CUBN: variants seen among roughly 807,000 people sequenced by gnomAD.
The protein encoded by CUBN is cubilin, also known as 460 kDa receptor.
A neutral mutation model predicts 405.3 loss-of-function variants in CUBN; 282 were observed. The observed-to-expected ratio is 0.70, with a 90% CI of 0.63 to 0.77. The LOEUF (loss-of-function observed/expected upper bound fraction) is 0.77. Among genes scored for constraint, CUBN ranks in the 30% least tolerant of loss-of-function variants. The pLI is 0.00. For missense variants in CUBN, 4,514 were observed against 4,475.2 expected (o/e 1.01, Z -0.25); for synonymous variants, 1,684 against 1,617.0 (o/e 1.04, Z -0.99).
At chr10:17,118,739 A>T (rs559042013) in intron 6 of CUBN, among the ~76,000 whole-genome samples, 1 of 152,248 alleles carries the variant, frequency 6.6e-6, no homozygotes, top group Non-Finnish European at 1.5e-5. Context: ...GCCCAGCCTC[A>T]TGTACCTTTT....
chr10:16,957,381 A>G (rs1383720928), intron 31 of CUBN, among the ~76,000 whole-genome samples: 2 of 152,162 alleles, frequency 1.3e-5, no homozygotes, highest in Non-Finnish European at 2.9e-5. Context: ...GTTCATTTCT[A>G]TTGCTAAGTA....
chr10:17,043,004 AG>A (rs1835050433), intron 26 of CUBN, among the ~76,000 whole-genome samples: 1 of 152,186 alleles, frequency 6.6e-6, no homozygotes, highest in African/African-American at 2.4e-5. Context: ...ATAAAGTAAA[AG>A]TCTCTATCAA....
intron 17 of CUBN, among the ~76,000 whole-genome samples, chr10:17,078,893 T>C (rs552950045): frequency 1.3e-5 from 2 of 152,334 alleles, no homozygotes; most frequent in East Asian, 3.9e-4. Context: ...CATATCCTCT[T>C]ATTCCTGCTT....
intron 12 of CUBN, 130 bp from the exon 13 acceptor site, chr10:17,103,367 T>C (rs1588643953): frequency 1.5e-6 from 1 of 687,116 alleles, no homozygotes; most frequent in Non-Finnish European, 2.7e-6. Context: ...AGCCCTGCCA[T>C]TCCCTCTCCT....
intron 14 of CUBN, 131 bp downstream of exon 14, chr10:17,099,874 A>G: frequency 2.8e-6 from 1 of 353,132 alleles, no homozygotes; most frequent in Non-Finnish European, 4.9e-6. Flanking sequence ...TGAATAAAAT[A>G]AAATAAATTA....
Position 16,982,632 on chromosome 10 carries a change from G to A in CUBN, c.4547C>T (p.Ala1516Val). The change falls in exon 31 of 67, where the codon GCT (alanine) becomes GTT (valine). Residue 1516 changes from alanine (A) to valine (V), a missense_variant. Physicochemically the swap from Ala to Val is moderately conservative, Grantham distance 64. Coordinates refer to ENST00000377833, the MANE Select transcript of CUBN (RefSeq NM_001081.4). ...VTGGCGGIFQ[A>V]PSGEIHSPNY... ...TGGAGAATGAATCTCTCCACTGGGA[G>A]CCTGGAAAATCCCACCACAACCTGG... The A allele has an allele frequency of 6.2e-7, 1 of 1,613,196 alleles. No individual in the cohort carries two copies. Among genetic ancestry groups the A allele is most frequent in the East Asian group, 2.2e-5 (1 of 44,858 alleles).
chr10:16,978,084 T>C (rs1833151531), intron 31 of CUBN, among the ~76,000 whole-genome samples: 1 of 152,222 alleles, frequency 6.6e-6, no homozygotes, highest in Non-Finnish European at 1.5e-5. Flanking sequence ...TTTTGGGGAT[T>C]CACTCAGGTA....
chr10:16,891,907 C>A (rs544348986), intron 54 of CUBN, among the ~76,000 whole-genome samples: 1 of 152,038 alleles, frequency 6.6e-6, no homozygotes, highest in African/African-American at 2.4e-5. Context: ...ACCCAATATG[C>A]CCTTTCTATC....
chr10:16,913,836 G>A lies in CUBN; in HGVS notation c.7508C>T (p.Pro2503Leu), dbSNP rs140983139. ...TATCACATGCTCATTGTTGCAGGACGGATGCGTGGCCAGCCTCAGGTTGTT... is the reference window on the plus strand; with the variant it reads ...TATCACATGCTCATTGTTGCAGGACAGATGCGTGGCCAGCCTCAGGTTGTT... ...MFNNLRLATH[P>L]SCNNEHVIVF... Residue 2503 changes from proline (P) to leucine (L), a missense_variant, in exon 48 of 67, where the codon CCG becomes CTG. Pro to Leu is a moderately conservative substitution (Grantham distance 98). Coordinates refer to ENST00000377833, the MANE Select transcript of CUBN (RefSeq NM_001081.4). 6.6e-5 allele frequency: 107 copies of A among 1,613,772 alleles called. 1 individual carries two copies. Among genetic ancestry groups the A allele is most frequent in the African/African-American group, 5.7e-4 (43 of 74,904 alleles).
At chr10:17,047,943 G>A (rs7082270) in intron 22 of CUBN, among the ~76,000 whole-genome samples, 125,725 of 152,186 alleles carry the variant, frequency 0.83, 52,126 homozygotes, top group Non-Finnish European at 0.87. Context: ...AAATAATTCA[G>A]TCTTGCCTTT....
At chr10:17,086,195 AC>A (rs1322821408) in intron 15 of CUBN, among the ~76,000 whole-genome samples, 1 of 151,934 alleles carries the variant, frequency 6.6e-6, no homozygotes, top group Non-Finnish European at 1.5e-5. Flanking sequence ...CAATCTCTTG[AC>A]CTCATGATCT....
At chr10:16,890,867 G>A (rs187518726) in intron 54 of CUBN, among the ~76,000 whole-genome samples, 1 of 152,216 alleles carries the variant, frequency 6.6e-6, no homozygotes, top group East Asian at 1.9e-4. Context: ...TGAGGGAGAC[G>A]GAGCAGCCAG....
chr10:16,886,287 T>A (rs1457941847), intron 56 of CUBN, among the ~76,000 whole-genome samples: 1 of 152,168 alleles, frequency 6.6e-6, no homozygotes, highest in Non-Finnish European at 1.5e-5. Context: ...ATTTATCCAT[T>A]TATGAGTTCT....
intron 22 of CUBN, among the ~76,000 whole-genome samples, chr10:17,060,112 G>A (rs1835472285): frequency 6.8e-6 from 1 of 146,526 alleles, no homozygotes; most frequent in Admixed American, 6.7e-5. Flanking sequence ...AACAATCCCT[G>A]GTTTTTCTTT....
intron 4 of CUBN, 22 bp from the exon 5 acceptor site, chr10:17,123,711 C>T (rs1306888888): frequency 6.4e-7 from 1 of 1,563,088 alleles, no homozygotes; most frequent in Non-Finnish European, 8.8e-7. Flanking sequence ...ACAGGACAGT[C>T]AATGAGATGA....
intron 61 of CUBN, 142 bp downstream of exon 61, chr10:16,840,743 C>A: frequency 1.2e-6 from 1 of 856,196 alleles, no homozygotes; most frequent in Non-Finnish European, 1.9e-6. Flanking sequence ...TGGTGTTTAG[C>A]AATTGACATT....
At chr10:17,051,493 AT>A (rs1272661188) in intron 22 of CUBN, among the ~76,000 whole-genome samples, 5 of 152,192 alleles carry the variant, frequency 3.3e-5, no homozygotes, top group Non-Finnish European at 5.9e-5. Context: ...CAGGTGTTAG[AT>A]TTAAAAGAGA....
Position 17,104,535 on chromosome 10 carries a change from T to C in CUBN, c.1301A>G (p.Asn434Ser), listed in dbSNP as rs761224049. 31 of 1,613,708 alleles carry C rather than the reference T, an allele frequency of 1.9e-5. No homozygotes were observed. Among genetic ancestry groups the C allele is most frequent in the East Asian group, 1.6e-4 (7 of 44,852 alleles). The change falls in exon 12 of 67, where the codon AAT becomes AGT. Residue 434 changes from asparagine to serine, a missense_variant. By Grantham distance (46) the Asn-to-Ser change is conservative. Transcript: ENST00000377833. The stretch of plus-strand genomic sequence containing the variant: ...CAAACAGGGGTTGCTCAAACACTCA[T>C]TGATGTTTTCTGTACAGTTGACACC... Reference protein sequence around the residue: ...WTGVNCTENINECLSNPCLNG... With the variant: ...WTGVNCTENISECLSNPCLNG...
At chr10:17,070,876 T>TA (rs367914912) in intron 19 of CUBN, among the ~76,000 whole-genome samples, 8 of 152,208 alleles carry the variant, frequency 5.3e-5, no homozygotes, top group African/African-American at 1.7e-4. Context: ...TTAATTGCTC[T>TA]AGCTAGAATT....
Sources: allele counts gnomAD v4.1 joint callset (sites outside exome capture counted in the v4.1 genomes callset), GRCh38; gene constraint gnomAD v4.1.1; transcripts MANE v1.5; gene names NCBI Gene and HGNC (gene_info 2026-07-23, HGNC 2026-07-21).